TMPO: variants seen among roughly 807,000 people sequenced by gnomAD.
The protein encoded by TMPO is LEM domain containing 4.
Under a neutral mutation model 45.4 loss-of-function variants are expected in TMPO, and 22 were observed. That is an observed-to-expected ratio of 0.48 (90% CI 0.35 to 0.69). The LOEUF (loss-of-function observed/expected upper bound fraction) is 0.69. TMPO is among the 30% of genes least tolerant of loss of function. TMPO has a pLI of 0.01. For missense variants in TMPO, 512 were observed against 548.8 expected, an observed-to-expected ratio of 0.93 and a Z score of 0.67; for synonymous variants, 241 against 204.1, an observed-to-expected ratio of 1.18 and a Z score of -1.54.
At chr12:98,517,881 G>A (rs1875994832) in intron 1 of TMPO, among the ~76,000 whole-genome samples, 1 of 152,258 alleles carries the variant, frequency 6.6e-6, no homozygotes, top group East Asian at 1.9e-4. Context: ...AGTTGGTTGA[G>A]GCCGGGCGCG....
chr12:98,517,368 C>T (rs1419784875), intron 1 of TMPO, among the ~76,000 whole-genome samples: 2 of 152,134 alleles, frequency 1.3e-5, no homozygotes, highest in African/African-American at 2.4e-5. Context: ...CTTATGCCTG[C>T]CGAGTTACCA....
At chr12:98,532,045 C>T (rs183582703) in intron 3 of TMPO, 140 of 505,224 alleles carry the variant, frequency 2.8e-4, no homozygotes, top group Non-Finnish European at 4.3e-4. Context: ...TTTTCCATCA[C>T]CTGAAATTGC....
intron 1 of TMPO, among the ~76,000 whole-genome samples, chr12:98,526,937 A>G (rs550113626): frequency 5.3e-5 from 8 of 151,660 alleles, no homozygotes; most frequent in Admixed American, 3.3e-4. Context: ...CAGCCTGGCA[A>G]CAGAGCGAGA....
rs948101474 is a variant in TMPO, at chr12:98,550,297, A to T, written c.*2439A>T. On this transcript the variant is annotated 3_prime_UTR_variant, in exon 9 of 9. Coordinates refer to ENST00000556029, the MANE Select transcript of TMPO (RefSeq NM_001032283.3). ...CTTTACAATATAATTCAATAATAAA[A>T]AGTAATTAACCTCTAGTTTTGTCGT... 4 of 152,230 alleles carry T rather than the reference A, an allele frequency of 2.6e-5. No homozygotes were observed. The highest frequency in any genetic ancestry group is 2.0e-4 in the Admixed American group (3 of 15,284). 9.4% of individuals were successfully genotyped at this position (152,230 alleles called of 1,614,324 possible).
chr12:98,545,852 C>A (rs1878199882), intron 7 of TMPO, among the ~76,000 whole-genome samples: 1 of 152,076 alleles, frequency 6.6e-6, no homozygotes, highest in Non-Finnish European at 1.5e-5. Flanking sequence ...CCTGCCTCAG[C>A]CTCCTGAGTA....
At position 98,531,792 on chromosome 12, in the gene TMPO, G is replaced by A. The variant is rs761604324; in HGVS notation, c.519G>A (p.Arg173=). Residue 173 remains arginine (R), a synonymous_variant, in exon 3 of 9, where the codon AGG becomes AGA. Transcript: ENST00000556029. The part of the protein sequence containing the change: ...PTISSSAENT[R]QNGSNDSDRY... ...TTTCTTCTTCAGCAGAAAATACAAG[G>A]CAGAATGGAAGTAATGATTCTGACA... 3 of 1,613,830 alleles carry A rather than the reference G, an allele frequency of 1.9e-6. No individual in the cohort carries two copies. The South Asian group carries it at 3.3e-5, about 18-fold the overall frequency.
At position 98,537,518 on chromosome 12, in the gene TMPO, G is replaced by A. The variant is rs1391877272; in HGVS notation, c.609G>A (p.Lys203=). The part of the protein sequence containing the change: ...ELKLEKREPL[K]GRAKTPVTLK... Reference sequence around the variant, plus strand: ...AGCTTGAGAAGAGAGAACCACTAAAGGGCAGAGCAAAGACTCCAGTAACAC... The same window carrying A: ...AGCTTGAGAAGAGAGAACCACTAAAAGGCAGAGCAAAGACTCCAGTAACAC... Residue 203 remains lysine, a synonymous_variant, in exon 4 of 9, where the codon AAG becomes AAA. Transcript: ENST00000556029. 1 of 1,613,630 alleles carries A rather than the reference G, an allele frequency of 6.2e-7. No homozygotes were observed. The highest frequency in any genetic ancestry group is 8.5e-7 in the Non-Finnish European group (1 of 1,179,776).
At chr12:98,518,724 T>C (rs1484067881) in intron 1 of TMPO, among the ~76,000 whole-genome samples, 1 of 150,704 alleles carries the variant, frequency 6.6e-6, no homozygotes, top group East Asian at 1.9e-4. Context: ...ATTTTTTAAT[T>C]AAGATTATCC....
In TMPO at chr12:98,545,100, T is replaced by TCA. The variant is rs778923526; in HGVS notation, c.990+39_990+40insCA. On this transcript the variant is annotated intron_variant, in intron 7 of 8. Transcript: ENST00000556029. Reference sequence around the variant, plus strand: ...ATTTAGATCGATGCTATCATTGATCTTTCAAAGAGGAAATATAAATATTTG... The same window carrying TCA: ...ATTTAGATCGATGCTATCATTGATCTCATTCAAAGAGGAAATATAAATATTTG... 4.4e-6 allele frequency: 6 copies of TCA among 1,369,160 alleles called. No individual in the cohort carries two copies. The South Asian group carries it at 7.2e-5, about 16-fold the overall frequency. 84.8% of individuals were successfully genotyped at this position (1,369,160 alleles called of 1,614,324 possible).
chr12:98,523,354 G>A (rs1324402613), intron 1 of TMPO, among the ~76,000 whole-genome samples: 1 of 152,126 alleles, frequency 6.6e-6, no homozygotes, highest in African/African-American at 2.4e-5. Context: ...AGGAATTCGA[G>A]ACCAGCCTGG....
chr12:98,532,980 TAAG>T, intron 3 of TMPO: 1 of 1,614,180 alleles, frequency 6.2e-7, no homozygotes, highest in East Asian at 2.2e-5. Flanking sequence ...TACAGGCAGC[TAAG>T]AAAGTACATA....
At chr12:98,522,255 T>A (rs1876429185) in intron 1 of TMPO, among the ~76,000 whole-genome samples, 1 of 152,178 alleles carries the variant, frequency 6.6e-6, no homozygotes, top group Admixed American at 6.5e-5. Flanking sequence ...CCTCAAGGGA[T>A]CCTCCTGCTT....
At chr12:98,527,357 A>T (rs1251893091) in intron 1 of TMPO, among the ~76,000 whole-genome samples, 1 of 150,806 alleles carries the variant, frequency 6.6e-6, no homozygotes, top group Non-Finnish European at 1.5e-5. Context: ...AAAACAAAAA[A>T]AAAAAACCAC....
chr12:98,516,503 C>T, intron 1 of TMPO: 1 of 1,083,072 alleles, frequency 9.2e-7, no homozygotes, highest in Non-Finnish European at 1.1e-6. Context: ...GAGGGGTGGC[C>T]CCAAAATGCT....
chr12:98,539,512 G>A (rs903665111), intron 4 of TMPO, among the ~76,000 whole-genome samples: 16 of 132,688 alleles, frequency 1.2e-4, no homozygotes, highest in African/African-American at 3.0e-5. Flanking sequence ...TCACTCTGTC[G>A]CCCAGGTTGG....
intron 1 of TMPO, among the ~76,000 whole-genome samples, chr12:98,517,447 C>T (rs2121106304): frequency 6.6e-6 from 1 of 152,318 alleles, no homozygotes; most frequent in Non-Finnish European, 1.5e-5. Flanking sequence ...TTGTAAGAGA[C>T]AGTGAATGTG....
chr12:98,547,865 T>C lies in TMPO; in HGVS notation c.*7T>C, dbSNP rs557563034. 2.1e-4 allele frequency: 336 copies of C among 1,613,988 alleles called. 6 individuals carry two copies. In the South Asian group the frequency reaches 3.5e-3, roughly 17 times the overall value. ...CCCTAGAAAATCCAACTGAATGGTA[T>C]CTCTTTGGCACGTTCAACTTGGTCT... On this transcript the variant is annotated 3_prime_UTR_variant, in exon 9 of 9. Coordinates refer to ENST00000556029, the MANE Select transcript of TMPO (RefSeq NM_001032283.3).
chr12:98,538,642 C>T (rs796121507), intron 4 of TMPO, among the ~76,000 whole-genome samples: 2 of 152,016 alleles, frequency 1.3e-5, no homozygotes, highest in Non-Finnish European at 2.9e-5. Context: ...TGTGAGCCAC[C>T]GCGCCCAGCC....
intron 1 of TMPO, among the ~76,000 whole-genome samples, chr12:98,521,886 T>G (rs1000700347): frequency 1.3e-5 from 2 of 152,132 alleles, no homozygotes; most frequent in African/African-American, 4.8e-5. Context: ...TGCACCACCA[T>G]GCCCAGCTAA....
Sources: gnomAD v4.1 joint callset for allele counts (sites outside exome capture counted in the v4.1 genomes callset) on GRCh38, gnomAD v4.1.1 for gene constraint, MANE v1.5 for transcripts, NCBI Gene and HGNC (gene_info 2026-07-23, HGNC 2026-07-21) for gene names.